HERC2: variants seen among roughly 807,000 people sequenced by gnomAD.
The protein encoded by HERC2 is E3 ubiquitin-protein ligase HERC2.
HERC2 carries 102 observed loss-of-function variants against 537.7 expected under a neutral mutation model. That is an observed-to-expected ratio of 0.19 (90% CI 0.16 to 0.22). HERC2 has a LOEUF of 0.22. HERC2 is among the 10% of genes least tolerant of loss of function. The pLI is 1.00. For synonymous variants in HERC2, 2,224 were observed against 2,466.2 expected (o/e 0.90, Z 2.91); for missense variants, 4,236 against 6,198.2 (o/e 0.68, Z 10.63).
intron 35 of HERC2, among the ~76,000 whole-genome samples, chr15:28,224,728 C>T (rs1900929691): frequency 6.6e-6 from 1 of 152,192 alleles, no homozygotes; most frequent in African/African-American, 2.4e-5. Context: ...TACCACAGAA[C>T]ACTCTCTTAG....
At chr15:28,114,241 C>T (rs1394064079) in intron 90 of HERC2, among the ~76,000 whole-genome samples, 1 of 152,300 alleles carries the variant, frequency 6.6e-6, no homozygotes, top group Non-Finnish European at 1.5e-5. Context: ...CACACCTGGG[C>T]GCCTGGCAAA....
chr15:28,233,020 G>T (rs1902042363), intron 30 of HERC2, 126 bp downstream of exon 30: 1 of 698,150 alleles, frequency 1.4e-6, no homozygotes, highest in East Asian at 2.6e-5. Flanking sequence ...TAATAAAAAT[G>T]ATGGCAGCAG....
intron 70 of HERC2, among the ~76,000 whole-genome samples, chr15:28,150,849 C>T (rs1892376680): frequency 6.6e-6 from 1 of 151,968 alleles, no homozygotes; most frequent in Admixed American, 6.6e-5. Context: ...AGGAAAAAGA[C>T]ATGATCCAAG....
At chr15:28,313,457 C>T (rs1188119075) in intron 2 of HERC2, among the ~76,000 whole-genome samples, 4 of 151,550 alleles carry the variant, frequency 2.6e-5, no homozygotes, top group African/African-American at 4.8e-5. Flanking sequence ...CGGGAGCCAC[C>T]GCACCCAGCC....
chr15:28,115,387 A>G (rs1281034060), intron 89 of HERC2, 42 bp downstream of exon 89: 1 of 1,384,608 alleles, frequency 7.2e-7, no homozygotes, highest in East Asian at 2.4e-5. Context: ...TGTGCCTGTT[A>G]ACAAGACCCT....
intron 50 of HERC2, 111 bp from the exon 51 acceptor site, chr15:28,196,680 A>G (rs1212874869): frequency 1.3e-5 from 8 of 630,508 alleles, no homozygotes; most frequent in Non-Finnish European, 2.3e-5. Context: ...TGTTTTTTAC[A>G]AAGAGTCTAC....
At chr15:28,313,028 G>C (rs2141286526) in intron 2 of HERC2, among the ~76,000 whole-genome samples, 1 of 152,092 alleles carries the variant, frequency 6.6e-6, no homozygotes, top group Middle Eastern at 3.4e-3. Context: ...GTGAGAGGTG[G>C]GATTTGGGAA....
chr15:28,282,009 C>A (rs1307459795), intron 4 of HERC2, among the ~76,000 whole-genome samples: 2 of 152,196 alleles, frequency 1.3e-5, no homozygotes, highest in African/African-American at 4.8e-5. Flanking sequence ...CCGTCGCAAT[C>A]CTGACTGCCC....
chr15:28,214,913 C>G (rs1193000018), intron 39 of HERC2, 111 bp from the exon 40 acceptor site: 1 of 909,808 alleles, frequency 1.1e-6, no homozygotes, highest in Non-Finnish European at 1.6e-6. Context: ...CACACTGTCA[C>G]CCGGGCTGGA....
chr15:28,176,369 G>GGTT lies in HERC2; in HGVS notation c.9686+56_9686+58dup. Reference sequence around the variant, plus strand: ...CCGGGTGAGCCTGGGGCGAGGCCCAGGTTCCCTGCACACACCTGCACAAGC... The same window carrying GGTT: ...CCGGGTGAGCCTGGGGCGAGGCCCAGGTTGTTCCCTGCACACACCTGCACAAGC... On this transcript the variant is annotated intron_variant, in intron 63 of 92. Coordinates refer to ENST00000261609, the MANE Select transcript of HERC2 (RefSeq NM_004667.6). The surrounding 1 kb of genome is among the most constrained non-coding windows in gnomAD (Gnocchi z 5.0). 1 of 1,555,030 alleles carries GGTT rather than the reference G, an allele frequency of 6.4e-7. No individual in the cohort carries two copies. The highest frequency in any genetic ancestry group is 1.1e-5 in the South Asian group (1 of 88,144).
intron 55 of HERC2, among the ~76,000 whole-genome samples, chr15:28,188,167 C>T (rs1368453942): frequency 4.6e-5 from 7 of 152,112 alleles, no homozygotes; most frequent in African/African-American, 1.7e-4. Flanking sequence ...ATGCAAACAT[C>T]ATCTGAATCA....
At chr15:28,266,926 G>A (rs2075584784) in intron 12 of HERC2, among the ~76,000 whole-genome samples, 1 of 152,122 alleles carries the variant, frequency 6.6e-6, no homozygotes, top group Non-Finnish European at 1.5e-5. Context: ...TCATAAAGCT[G>A]ACCGACATTT....
chr15:28,267,371 C>T (rs2075597384), intron 12 of HERC2, among the ~76,000 whole-genome samples: 1 of 152,200 alleles, frequency 6.6e-6, no homozygotes, highest in Non-Finnish European at 1.5e-5. Context: ...CCAGCACTTA[C>T]TCTCCACTGA....
At chr15:28,195,752 A>G (rs1897294976) in intron 52 of HERC2, among the ~76,000 whole-genome samples, 1 of 152,176 alleles carries the variant, frequency 6.6e-6, no homozygotes, top group Non-Finnish European at 1.5e-5. Flanking sequence ...GGTAAGAGAC[A>G]GTTGTGATGG....
chr15:28,167,408 T>A (rs1596107005), intron 68 of HERC2, among the ~76,000 whole-genome samples: 1 of 152,306 alleles, frequency 6.6e-6, no homozygotes, highest in South Asian at 2.1e-4. Context: ...AAGGATACTA[T>A]TGGGATGATG....
rs1171093354 is a variant in HERC2, at chr15:28,142,835, A to C, written c.11536T>G (p.Phe3846Val). The C allele has an allele frequency of 1.3e-6, 2 of 1,552,010 alleles. No homozygotes were observed. Among genetic ancestry groups the C allele is most frequent in the Non-Finnish European group, 1.8e-6 (2 of 1,142,426 alleles). The change falls in exon 75 of 93, where the codon TTC becomes GTC. Residue 3846 changes from phenylalanine to valine, a missense_variant. Physicochemically the swap from Phe to Val is conservative, Grantham distance 50 (BLOSUM62 -1). Around this residue, in one of 27 missense-constraint regions of HERC2, gnomAD observed 23 missense variants for 60.0 expected, o/e 0.38. Coordinates refer to ENST00000261609, the MANE Select transcript of HERC2 (RefSeq NM_004667.6). Reference sequence around the variant, plus strand: ...AAGAAGTGAAACATTACCTTAAAGAATGGGCTGTGGAGCAGCTGTTTGCCA... The same window carrying C: ...AAGAAGTGAAACATTACCTTAAAGACTGGGCTGTGGAGCAGCTGTTTGCCA... ...RGGKQLLHSPFFKVLVALACD... is the reference protein window; with the variant it reads ...RGGKQLLHSPVFKVLVALACD...
At chr15:28,302,752 GACCA>G (rs1367928122) in intron 2 of HERC2, among the ~76,000 whole-genome samples, 6 of 142,950 alleles carry the variant, frequency 4.2e-5, no homozygotes, top group Non-Finnish European at 7.6e-5. Flanking sequence ...TGTCTCTGAT[GACCA>G]ACCATGTTGA....
At chr15:28,123,020 T>A (rs1889098819) in intron 85 of HERC2, among the ~76,000 whole-genome samples, 1 of 152,232 alleles carries the variant, frequency 6.6e-6, no homozygotes, top group Non-Finnish European at 1.5e-5. Context: ...CGTTTGCTAC[T>A]TTTTATTATT....
intron 17 of HERC2, among the ~76,000 whole-genome samples, 164 bp from the exon 18 acceptor site, chr15:28,256,481 AGT>A (rs1349748099): frequency 6.6e-6 from 1 of 152,202 alleles, no homozygotes; most frequent in African/African-American, 2.4e-5. Flanking sequence ...TACCCACAAT[AGT>A]TGAGGTATTT....
Sources: allele counts gnomAD v4.1 joint callset (sites outside exome capture counted in the v4.1 genomes callset), GRCh38; gene constraint gnomAD v4.1.1; regional missense constraint gnomAD v4.1.1; non-coding constraint Gnocchi (gnomAD v3.1); transcripts MANE v1.5; gene names NCBI Gene and HGNC (gene_info 2026-07-23, HGNC 2026-07-21).